Variants in OR5H1 observed in about 807,000 individuals in gnomAD.
OR5H1 encodes the protein olfactory receptor 5H1.
For synonymous variants in OR5H1, 124 were observed against 134.4 expected, an observed-to-expected ratio of 0.92 and a Z score of 0.54; for missense variants, 378 against 366.8, an observed-to-expected ratio of 1.03 and a Z score of -0.25.
rs1451794323 is a variant in OR5H1, at chr3:98,132,849, A to G, written c.152A>G (p.Lys51Arg). Reference sequence around the variant, plus strand: ...CTTGGTCTGATTGCTGTCATCTGGAAAGACCCTCACCTTCATATCCCAATG... The same window carrying G: ...CTTGGTCTGATTGCTGTCATCTGGAGAGACCCTCACCTTCATATCCCAATG... ...GNLGLIAVIWKDPHLHIPMYL... is the reference protein window; with the variant it reads ...GNLGLIAVIWRDPHLHIPMYL... The change falls in exon 2 of 2, where the codon AAA (lysine) becomes AGA (arginine). Residue 51 changes from lysine (K) to arginine (R), a missense_variant. Coordinates refer to ENST00000641874, the MANE Select transcript of OR5H1 (RefSeq NM_001005338.2). 6.2e-7 allele frequency: 1 copy of G among 1,613,438 alleles called. No individual in the cohort carries two copies. Among genetic ancestry groups the G allele is most frequent in the Non-Finnish European group, 8.5e-7 (1 of 1,179,612 alleles).
At position 98,133,605 on chromosome 3, in the gene OR5H1, A is replaced by T; in HGVS notation, c.908A>T (p.Lys303Ile). ...RNKQVTVSFT[K>I]MLKKHVKVSY ...AAGCAAGTCACAGTTTCATTCACAAAAATGTTAAAAAAACATGTTAAGGTT... is the reference window on the plus strand; with the variant it reads ...AAGCAAGTCACAGTTTCATTCACAATAATGTTAAAAAAACATGTTAAGGTT... Residue 303 changes from lysine to isoleucine, a missense_variant, in exon 2 of 2, where the codon AAA (lysine) becomes ATA (isoleucine). Lys to Ile is a moderately radical substitution (Grantham distance 102). Coordinates refer to ENST00000641874, the MANE Select transcript of OR5H1 (RefSeq NM_001005338.2). The T allele has an allele frequency of 6.2e-7, 1 of 1,606,158 alleles. No homozygotes were observed. The highest frequency in any genetic ancestry group is 8.5e-7 in the Non-Finnish European group (1 of 1,177,126).
At position 98,135,225 on chromosome 3, in the gene OR5H1, A is replaced by G. The variant is rs4386540; in HGVS notation, c.*1586A>G. ...AAAGTATGGCAAAAGTAAAGATTGT[A>G]TTGGTTAAAGTGGAGCAGTAGTGTT... On this transcript the variant is annotated 3_prime_UTR_variant, in exon 2 of 2. Coordinates refer to ENST00000641874, the MANE Select transcript of OR5H1 (RefSeq NM_001005338.2). 0.22 allele frequency: 33,751 copies of G among 151,906 alleles called. 4,824 individuals are homozygous for G. The highest frequency in any genetic ancestry group is 0.41 in the African/African-American group (17,151 of 41,412). The allele number at this position is 151,906 out of a possible 1,614,324, so 9.4% of individuals were successfully genotyped here.
chr3:98,133,831 G>A lies in OR5H1; in HGVS notation c.*192G>A. ...AAAGCATTCAAGAAATTTTCATACTGTTCATAATAGAATAATGACTGTAGA... is the reference window on the plus strand; with the variant it reads ...AAAGCATTCAAGAAATTTTCATACTATTCATAATAGAATAATGACTGTAGA... On this transcript the variant is annotated 3_prime_UTR_variant, in exon 2 of 2. Transcript: ENST00000641874. 1.9e-6 allele frequency: 1 copy of A among 515,960 alleles called. No homozygotes were observed. Among genetic ancestry groups the A allele is most frequent in the African/African-American group, 1.9e-5 (1 of 52,228 alleles). 32.0% of individuals were successfully genotyped at this position (515,960 alleles called of 1,614,324 possible).
At chr3:98,132,200 T>G (rs1481562705) in intron 1 of OR5H1, among the ~76,000 whole-genome samples, 1 of 152,042 alleles carries the variant, frequency 6.6e-6, no homozygotes, top group Non-Finnish European at 1.5e-5. Flanking sequence ...AGTTTCTTCT[T>G]CTTGCAGCAT....
chr3:98,135,862 G>T lies in OR5H1; in HGVS notation c.*2223G>T, dbSNP rs761374771. 4.6e-5 allele frequency: 7 copies of T among 152,216 alleles called. No individual in the cohort carries two copies. Among genetic ancestry groups the T allele is most frequent in the Non-Finnish European group, 1.0e-4 (7 of 68,032 alleles). 9.4% of individuals were successfully genotyped at this position (152,216 alleles called of 1,614,324 possible). On this transcript the variant is annotated 3_prime_UTR_variant, in exon 2 of 2. Transcript: ENST00000641874. ...TAGTTGAGAAGACTTTTAGATTTAAGCTCAAAGCATCTTTAGATGATGAAA... is the reference window on the plus strand; with the variant it reads ...TAGTTGAGAAGACTTTTAGATTTAATCTCAAAGCATCTTTAGATGATGAAA...
At position 98,133,386 on chromosome 3, in the gene OR5H1, CT is replaced by C; in HGVS notation, c.690del (p.Asp231IlefsTer4). 6.2e-7 allele frequency: 1 copy of C among 1,613,118 alleles called. No homozygotes were observed. The highest frequency in any genetic ancestry group is 8.5e-7 in the Non-Finnish European group (1 of 1,179,538). On this transcript the variant is annotated frameshift_variant, in exon 2 of 2. Coordinates refer to ENST00000641874, the MANE Select transcript of OR5H1 (RefSeq NM_001005338.2). LOFTEE classifies it low-confidence loss of function (END_TRUNC). ...CTCTTCGCAATCTTAAAAAAGAAAT[CT>C]GATAAAGGTGTAAGGAAAGCCTTTT... ...FVLFAILKKKSDKGVRKAFST... is the reference protein window; with the variant it reads ...FVLFAILKKKXDKGVRKAFST...
intron 1 of OR5H1, among the ~76,000 whole-genome samples, chr3:98,132,084 C>T (rs1250005675): frequency 6.6e-6 from 1 of 152,014 alleles, no homozygotes; most frequent in Non-Finnish European, 1.5e-5. Context: ...ATTAAAACCT[C>T]ATAACATATT....
In OR5H1 at chr3:98,136,744, G is replaced by C. The variant is rs1214295488; in HGVS notation, c.*3105G>C. On this transcript the variant is annotated 3_prime_UTR_variant, in exon 2 of 2. Transcript: ENST00000641874. ...TTCCCATGAGGGCTGGTTGATAAAAGAGCCCAGCACTCCACTCTCTCTCTT... is the reference window on the plus strand; with the variant it reads ...TTCCCATGAGGGCTGGTTGATAAAACAGCCCAGCACTCCACTCTCTCTCTT... 1 of 152,040 alleles carries C rather than the reference G, an allele frequency of 6.6e-6. No individual in the cohort carries two copies. Among genetic ancestry groups the C allele is most frequent in the East Asian group, 1.9e-4 (1 of 5,172 alleles). 9.4% of individuals were successfully genotyped at this position (152,040 alleles called of 1,614,324 possible). A position where few individuals can be genotyped will look rare whatever the true frequency, so the allele number is the denominator to read the frequency against.
At chr3:98,131,991 A>G (rs866251186) in intron 1 of OR5H1, among the ~76,000 whole-genome samples, 11 of 152,084 alleles carry the variant, frequency 7.2e-5, no homozygotes, top group African/African-American at 1.9e-4. Flanking sequence ...CACCAAGACC[A>G]TACATTTAAC....
Position 98,132,862 on chromosome 3 carries a change from T to A in OR5H1, c.165T>A (p.Leu55=). The change falls in exon 2 of 2, where the codon CTT becomes CTA. Residue 55 remains leucine, a synonymous_variant. Coordinates refer to ENST00000641874, the MANE Select transcript of OR5H1 (RefSeq NM_001005338.2). The part of the protein sequence containing the change: ...LIAVIWKDPH[L]HIPMYLLLGN... ...CTGTCATCTGGAAAGACCCTCACCT[T>A]CATATCCCAATGTACTTACTCCTTG... 6.2e-7 allele frequency: 1 copy of A among 1,613,588 alleles called. No individual in the cohort carries two copies. The highest frequency in any genetic ancestry group is 8.5e-7 in the Non-Finnish European group (1 of 1,179,618).
At position 98,133,870 on chromosome 3, in the gene OR5H1, T is replaced by C; in HGVS notation, c.*231T>C. ...AATGACTGTAGAAATCAAATAAAACTATTTAACAGTTGTATATGTTATTCA... is the reference window on the plus strand; with the variant it reads ...AATGACTGTAGAAATCAAATAAAACCATTTAACAGTTGTATATGTTATTCA... On this transcript the variant is annotated 3_prime_UTR_variant, in exon 2 of 2. Transcript: ENST00000641874. 1 of 428,244 alleles carries C rather than the reference T, an allele frequency of 2.3e-6. No individual in the cohort carries two copies. The highest frequency in any genetic ancestry group is 4.2e-6 in the Non-Finnish European group (1 of 237,704). 26.5% of individuals were successfully genotyped at this position (428,244 alleles called of 1,614,324 possible).
chr3:98,132,180 C>T (rs993960245), intron 1 of OR5H1, among the ~76,000 whole-genome samples: 3 of 151,908 alleles, frequency 2.0e-5, no homozygotes, highest in Non-Finnish European at 4.4e-5. Context: ...TAATTAATAT[C>T]CCTGAGTACA....
In OR5H1 at chr3:98,133,041, T is replaced by A. The variant is rs769803087; in HGVS notation, c.344T>A (p.Leu115Ter). The A allele has an allele frequency of 1.9e-6, 3 of 1,613,634 alleles. No individual in the cohort carries two copies. Among genetic ancestry groups the A allele is most frequent in the Non-Finnish European group, 2.5e-6 (3 of 1,179,662 alleles). ...AISVTTECFLLATMAYDRYVA... is the reference protein window; with the variant it reads ...AISVTTECFL ...AGTGTAACCACGGAATGTTTTCTCTTGGCAACGATGGCATATGATCGCTAT... is the reference window on the plus strand; with the variant it reads ...AGTGTAACCACGGAATGTTTTCTCTAGGCAACGATGGCATATGATCGCTAT... The change falls in exon 2 of 2, where the codon TTG (leucine) becomes TAG (stop). Residue 115 changes from leucine (L) to a stop codon, truncating the protein, a stop_gained. Transcript: ENST00000641874. LOFTEE classifies it low-confidence loss of function (END_TRUNC).
In OR5H1 at chr3:98,133,397, G is replaced by C; in HGVS notation, c.700G>C (p.Val234Leu). The C allele has an allele frequency of 6.2e-7, 1 of 1,613,124 alleles. No homozygotes were observed. The highest frequency in any genetic ancestry group is 8.5e-7 in the Non-Finnish European group (1 of 1,179,470). The change falls in exon 2 of 2, where the codon GTA becomes CTA. Residue 234 changes from valine (V) to leucine (L), a missense_variant. By Grantham distance (32) the Val-to-Leu change is conservative. Coordinates refer to ENST00000641874, the MANE Select transcript of OR5H1 (RefSeq NM_001005338.2). Reference protein sequence around the residue: ...AILKKKSDKGVRKAFSTCGAH... With the variant: ...AILKKKSDKGLRKAFSTCGAH... The stretch of plus-strand genomic sequence containing the variant: ...CTTAAAAAAGAAATCTGATAAAGGT[G>C]TAAGGAAAGCCTTTTCCACCTGTGG...
Position 98,134,406 on chromosome 3 carries a change from A to G in OR5H1, c.*767A>G, listed in dbSNP as rs1208852883. On this transcript the variant is annotated 3_prime_UTR_variant, in exon 2 of 2. Transcript: ENST00000641874. ...CATTTGGAGTAGACATAGAGAAGAAATAAGTATCATAAAAGAAAGAAAGTG... is the reference window on the plus strand; with the variant it reads ...CATTTGGAGTAGACATAGAGAAGAAGTAAGTATCATAAAAGAAAGAAAGTG... 1 of 152,106 alleles carries G rather than the reference A, an allele frequency of 6.6e-6. No individual in the cohort carries two copies. Among genetic ancestry groups the G allele is most frequent in the East Asian group, 1.9e-4 (1 of 5,198 alleles). The allele number at this position is 152,106 out of a possible 1,614,324, so 9.4% of individuals were successfully genotyped here.
rs1430910857 is a variant in OR5H1 at position 98,133,887 on chromosome 3, T to G, written c.*248T>G. 2.8e-6 allele frequency: 1 copy of G among 361,814 alleles called. No individual in the cohort carries two copies. Among genetic ancestry groups the G allele is most frequent in the African/African-American group, 2.1e-5 (1 of 47,742 alleles). The allele number at this position is 361,814 out of a possible 1,614,324, so 22.4% of individuals were successfully genotyped here. On this transcript the variant is annotated 3_prime_UTR_variant, in exon 2 of 2. Coordinates refer to ENST00000641874, the MANE Select transcript of OR5H1 (RefSeq NM_001005338.2). Reference sequence around the variant, plus strand: ...AATAAAACTATTTAACAGTTGTATATGTTATTCAATGTGCATTTATAAATG... The same window carrying G: ...AATAAAACTATTTAACAGTTGTATAGGTTATTCAATGTGCATTTATAAATG...
rs1027519277 is a variant in OR5H1, at chr3:98,135,998, T to G, written c.*2359T>G. 6.6e-6 allele frequency: 1 copy of G among 152,228 alleles called. No individual in the cohort carries two copies. Among genetic ancestry groups the G allele is most frequent in the Admixed American group, 6.5e-5 (1 of 15,282 alleles). 9.4% of individuals were successfully genotyped at this position (152,228 alleles called of 1,614,324 possible). On this transcript the variant is annotated 3_prime_UTR_variant, in exon 2 of 2. Coordinates refer to ENST00000641874, the MANE Select transcript of OR5H1 (RefSeq NM_001005338.2). ...TGAGTGGGACACTAAGCATCATGCA[T>G]GAAGATTATCCTCTGACATTTATAT...
chr3:98,133,665 G>T lies in OR5H1; in HGVS notation c.*26G>T. The T allele has an allele frequency of 6.4e-7, 1 of 1,554,642 alleles. No individual in the cohort carries two copies. ...TATCCTTTCTCTAATTACAAAAATA[G>T]TCACAAAATTATGCAAGTTAGAGGT... On this transcript the variant is annotated 3_prime_UTR_variant, in exon 2 of 2. Transcript: ENST00000641874.
In OR5H1 at chr3:98,137,031, A is replaced by G. The variant is rs1708329082; in HGVS notation, c.*3392A>G. ...AATTCTTAGTTTCTTAAAATTCTCC[A>G]GTCATATCTAATTTTATGCACATTC... On this transcript the variant is annotated 3_prime_UTR_variant, in exon 2 of 2. Coordinates refer to ENST00000641874, the MANE Select transcript of OR5H1 (RefSeq NM_001005338.2). The G allele has an allele frequency of 6.6e-6, 1 of 152,198 alleles. No individual in the cohort carries two copies. The highest frequency in any genetic ancestry group is 1.5e-5 in the Non-Finnish European group (1 of 68,046). 9.4% of individuals were successfully genotyped at this position (152,198 alleles called of 1,614,324 possible). A position where few individuals can be genotyped will look rare whatever the true frequency, so the allele number is the denominator to read the frequency against.
Sources: allele counts gnomAD v4.1 joint callset (sites outside exome capture counted in the v4.1 genomes callset), GRCh38; gene constraint gnomAD v4.1.1; transcripts MANE v1.5; gene names NCBI Gene and HGNC (gene_info 2026-07-23, HGNC 2026-07-21).